DCC: variants seen among roughly 807,000 people sequenced by gnomAD.
The protein encoded by DCC is DCC netrin 1 receptor.
In DCC, 58 loss-of-function variants were observed where a neutral mutation model predicts 172.5. That is an observed-to-expected ratio of 0.34 (90% CI 0.27 to 0.42). The LOEUF is 0.42. DCC is among the 10% of genes least tolerant of loss of function. The pLI, the probability that DCC is intolerant of heterozygous loss-of-function variation, is 1.00. For missense variants in DCC, 1,740 were observed against 1,791.0 expected (o/e 0.97, Z 0.51); for synonymous variants, 709 against 644.5 (o/e 1.10, Z -1.52).
At chr18:52,926,142 TA>T (rs1341113808) in intron 5 of DCC, among the ~76,000 whole-genome samples, 5 of 151,938 alleles carry the variant, frequency 3.3e-5, no homozygotes, top group Non-Finnish European at 5.9e-5. Flanking sequence ...TCCTCTGGAA[TA>T]AATCTTTTTG....
chr18:52,875,798 G>C (rs2039395030), intron 2 of DCC, among the ~76,000 whole-genome samples: 1 of 152,188 alleles, frequency 6.6e-6, no homozygotes, highest in South Asian at 2.1e-4. Context: ...ATCTTTTGGA[G>C]CTTTTCTTCT....
intron 7 of DCC, among the ~76,000 whole-genome samples, chr18:53,141,835 A>G (rs2043835006): frequency 6.6e-6 from 1 of 152,154 alleles, no homozygotes; most frequent in African/African-American, 2.4e-5. Context: ...CCTGGTTATG[A>G]TTACTTTTCA....
In DCC at chr18:53,322,105, T is replaced by G. The variant is rs1194238001; in HGVS notation, c.2112T>G (p.Thr704=). ...TGTCAGCCATGACAGTCAATGGTACTGGACCACCTTCCAACTGGTATACTG... is the reference window on the plus strand; with the variant it reads ...TGTCAGCCATGACAGTCAATGGTACGGGACCACCTTCCAACTGGTATACTG... The part of the protein sequence containing the change: ...FQVSAMTVNG[T]GPPSNWYTAE... Residue 704 remains threonine (T), a synonymous_variant, in exon 14 of 29, where the codon ACT becomes ACG. Coordinates refer to ENST00000442544, the MANE Select transcript of DCC (RefSeq NM_005215.4). The G allele has an allele frequency of 1.2e-6, 2 of 1,609,078 alleles. No homozygotes were observed. The highest frequency in any genetic ancestry group is 8.5e-7 in the Non-Finnish European group (1 of 1,175,476).
chr18:53,101,927 G>T (rs1453684229), intron 7 of DCC, among the ~76,000 whole-genome samples: 1 of 151,984 alleles, frequency 6.6e-6, no homozygotes, highest in African/African-American at 2.4e-5. Flanking sequence ...ACCTGAGCCT[G>T]TAATTACTTC....
At chr18:53,493,974 C>A (rs4278817) in intron 26 of DCC, among the ~76,000 whole-genome samples, 17,868 of 152,130 alleles carry the variant, frequency 0.12, 3,251 homozygotes, top group African/African-American at 0.39. Flanking sequence ...AGTACTATAA[C>A]TTTCCCTGTA....
At chr18:52,492,654 A>T (rs1203323504) in intron 1 of DCC, among the ~76,000 whole-genome samples, 2 of 151,998 alleles carry the variant, frequency 1.3e-5, no homozygotes, top group South Asian at 4.2e-4. Flanking sequence ...AAAAAAAAAG[A>T]CATAATACTT....
chr18:53,231,936 G>C (rs1387445317), intron 12 of DCC, among the ~76,000 whole-genome samples: 1 of 152,098 alleles, frequency 6.6e-6, no homozygotes, highest in African/African-American at 2.4e-5. Flanking sequence ...TGACGTTTGA[G>C]TCCTTTTACG....
chr18:52,723,782 A>G (rs529668373), intron 1 of DCC, among the ~76,000 whole-genome samples: 1 of 152,312 alleles, frequency 6.6e-6, no homozygotes, highest in South Asian at 2.1e-4. Flanking sequence ...GCATAAATCA[A>G]GAAGGCAATG....
At chr18:52,613,849 G>A (rs1408687551) in intron 1 of DCC, among the ~76,000 whole-genome samples, 12 of 152,088 alleles carry the variant, frequency 7.9e-5, no homozygotes, top group Admixed American at 7.9e-4. Context: ...CTATACTGGT[G>A]GTGTTATATC....
At chr18:52,402,051 C>T (rs1219493794) in intron 1 of DCC, among the ~76,000 whole-genome samples, 1 of 151,956 alleles carries the variant, frequency 6.6e-6, no homozygotes, top group Non-Finnish European at 1.5e-5. Context: ...TTCTAGTAAG[C>T]AAGTGTATTA....
intron 1 of DCC, among the ~76,000 whole-genome samples, chr18:52,573,723 G>A (rs1277140233): frequency 2.0e-5 from 3 of 152,146 alleles, no homozygotes; most frequent in African/African-American, 7.2e-5. Flanking sequence ...ATTTGGAAAA[G>A]CCCATAAAGA....
intron 2 of DCC, among the ~76,000 whole-genome samples, chr18:52,883,383 TGTGTGTGTGA>T (rs879374301): frequency 0.053 from 5,504 of 102,964 alleles, 125 homozygotes; most frequent in Non-Finnish European, 0.077. Context: ...TGTGTGTGTG[TGTGTGTGTGA>T]GATCTCTTTC....
chr18:53,153,592 A>G (rs139134126), intron 7 of DCC, among the ~76,000 whole-genome samples: 2,196 of 152,204 alleles, frequency 0.014, 22 homozygotes, highest in Middle Eastern at 0.027. Context: ...GTCAAGTTGA[A>G]CCCCACTTTT....
At chr18:53,205,967 CT>C (rs1399189403) in intron 10 of DCC, among the ~76,000 whole-genome samples, 7 of 151,140 alleles carry the variant, frequency 4.6e-5, no homozygotes, top group Non-Finnish European at 7.4e-5. Context: ...ACACATGAAA[CT>C]GAAAAATTCT....
rs561169661 is a variant in DCC, at chr18:52,356,994, AG to A, written c.91+16118del. ...GAGACAGGGTTTCACCATGTTGGCC[AG>A]GCTGGTCTTGAACTCCTGATGTCAG... On this transcript the variant is annotated intron_variant, in intron 1 of 28. Coordinates refer to ENST00000442544, the MANE Select transcript of DCC (RefSeq NM_005215.4). Among the ~76,000 whole-genome samples the A allele has an allele frequency of 9.2e-5, 14 of 152,278 alleles. No homozygotes were observed. In the South Asian group the frequency reaches 1.9e-3, roughly 20 times the overall value.
At chr18:53,194,514 C>T (rs1313900767) in intron 9 of DCC, among the ~76,000 whole-genome samples, 2 of 151,884 alleles carry the variant, frequency 1.3e-5, no homozygotes, top group Non-Finnish European at 2.9e-5. Flanking sequence ...GTTGCCCAGG[C>T]TGGAGTGTGC....
In DCC at chr18:53,486,865, A is replaced by G; in HGVS notation, c.3805A>G (p.Thr1269Ala). 3 of 1,614,058 alleles carry G rather than the reference A, an allele frequency of 1.9e-6. No homozygotes were observed. Among genetic ancestry groups the G allele is most frequent in the East Asian group, 2.2e-5 (1 of 44,850 alleles). ...AQYPGILPSP[T>A]CGYPHPQFTL... ...GTACCCAGGAATCCTCCCGTCTCCC[A>G]CCTGTGGATATCCCCACCCGCAGTT... The change falls in exon 26 of 29, where the codon ACC (threonine) becomes GCC (alanine). Residue 1269 changes from threonine to alanine, a missense_variant. Physicochemically the swap from Thr to Ala is moderately conservative, Grantham distance 58 (BLOSUM62 0). Coordinates refer to ENST00000442544, the MANE Select transcript of DCC (RefSeq NM_005215.4).
At chr18:52,886,231 T>G (rs2039567438) in intron 2 of DCC, among the ~76,000 whole-genome samples, 1 of 152,074 alleles carries the variant, frequency 6.6e-6, no homozygotes, top group Admixed American at 6.5e-5. Flanking sequence ...AGGAATTGCC[T>G]AGGAATTGAA....
chr18:52,932,511 G>A (rs1241568470), intron 5 of DCC, among the ~76,000 whole-genome samples: 1 of 152,092 alleles, frequency 6.6e-6, no homozygotes, highest in Non-Finnish European at 1.5e-5. Context: ...TACTGAGGAT[G>A]GTCTCTTCAG....
Sources: gnomAD v4.1 joint callset for allele counts (sites outside exome capture counted in the v4.1 genomes callset) on GRCh38, gnomAD v4.1.1 for gene constraint, MANE v1.5 for transcripts, NCBI Gene and HGNC (gene_info 2026-07-23, HGNC 2026-07-21) for gene names.